Variants in CADM2 observed in about 807,000 individuals in gnomAD.
The protein encoded by CADM2 is cell adhesion molecule 2, also known as immunoglobulin superfamily member 4D.
A neutral mutation model predicts 49.8 loss-of-function variants in CADM2; 12 were observed. The observed-to-expected ratio is 0.24, with a 90% CI of 0.15 to 0.39. The LOEUF (loss-of-function observed/expected upper bound fraction) is 0.39, where lower values mean the gene tolerates loss of function less well. Among genes scored for constraint, CADM2 ranks in the 10% least tolerant of loss-of-function variants. CADM2 has a pLI of 1.00. For missense variants in CADM2, 378 were observed against 492.3 expected, an observed-to-expected ratio of 0.77 and a Z score of 2.20; for synonymous variants, 214 against 175.4, an observed-to-expected ratio of 1.22 and a Z score of -1.74.
intron 1 of CADM2, among the ~76,000 whole-genome samples, chr3:85,336,689 A>G (rs1276955329): frequency 6.6e-6 from 1 of 150,652 alleles, no homozygotes; most frequent in Non-Finnish European, 1.5e-5. Context: ...GCAGAATTTT[A>G]TGTTACTAAG....
At chr3:85,685,566 T>C in intron 1 of CADM2, among the ~76,000 whole-genome samples, 1 of 151,778 alleles carries the variant, frequency 6.6e-6, no homozygotes, top group East Asian at 1.9e-4. Flanking sequence ...TTTAATAAAA[T>C]AATTTAAATA....
intron 1 of CADM2, among the ~76,000 whole-genome samples, chr3:85,183,663 T>C (rs939721125): frequency 2.0e-5 from 3 of 152,282 alleles, no homozygotes; most frequent in African/African-American, 7.2e-5. Flanking sequence ...AATCTTACTA[T>C]TCCATACAAA....
At chr3:85,869,352 A>G (rs1272288717) in intron 3 of CADM2, among the ~76,000 whole-genome samples, 3 of 152,036 alleles carry the variant, frequency 2.0e-5, no homozygotes, top group Non-Finnish European at 4.4e-5. Context: ...GCTTCGTTCC[A>G]TTCATTTTTA....
At chr3:85,575,274 G>A (rs2062597702) in intron 1 of CADM2, among the ~76,000 whole-genome samples, 1 of 152,194 alleles carries the variant, frequency 6.6e-6, no homozygotes, top group Non-Finnish European at 1.5e-5. Context: ...TGATTGGGCT[G>A]GGCGCAGTGG....
intron 7 of CADM2, among the ~76,000 whole-genome samples, chr3:85,957,292 T>C (rs1223187064): frequency 5.3e-5 from 8 of 151,870 alleles, no homozygotes; most frequent in African/African-American, 7.2e-5. Flanking sequence ...GTCTATCTAA[T>C]TGAACGATAC....
chr3:85,341,353 G>T (rs2045235366), intron 1 of CADM2, among the ~76,000 whole-genome samples: 1 of 151,770 alleles, frequency 6.6e-6, no homozygotes. Context: ...CATGAAAATA[G>T]AATAATGTTT....
At chr3:85,700,226 A>G (rs1242530932) in intron 1 of CADM2, among the ~76,000 whole-genome samples, 1 of 152,182 alleles carries the variant, frequency 6.6e-6, no homozygotes, top group Admixed American at 6.5e-5. Flanking sequence ...TCAGCAAACT[A>G]TCGCAAAAAC....
intron 1 of CADM2, among the ~76,000 whole-genome samples, chr3:85,581,347 AAC>A (rs1351117617): frequency 2.0e-5 from 3 of 152,054 alleles, no homozygotes; most frequent in Admixed American, 6.6e-5. Flanking sequence ...CGGGAATAAA[AAC>A]AGTCATTCTC....
chr3:85,779,311 C>A (rs1409546338), intron 2 of CADM2, among the ~76,000 whole-genome samples: 1 of 152,054 alleles, frequency 6.6e-6, no homozygotes, highest in Non-Finnish European at 1.5e-5. Context: ...CTTACCATGC[C>A]TAAAGCCTCT....
At chr3:85,312,685 A>T (rs907749252) in intron 1 of CADM2, among the ~76,000 whole-genome samples, 1 of 152,216 alleles carries the variant, frequency 6.6e-6, no homozygotes, top group African/African-American at 2.4e-5. Flanking sequence ...TAATGTAATT[A>T]CCAAAAATTA....
intron 1 of CADM2, among the ~76,000 whole-genome samples, chr3:85,323,595 C>T (rs537376357): frequency 6.6e-6 from 1 of 152,272 alleles, no homozygotes; most frequent in African/African-American, 2.4e-5. Context: ...CAAAACTAAA[C>T]AAGACCCTTC....
intron 8 of CADM2, among the ~76,000 whole-genome samples, chr3:86,039,146 C>T (rs1175620281): frequency 4.6e-5 from 7 of 152,128 alleles, no homozygotes; most frequent in Non-Finnish European, 7.4e-5. Context: ...ATGAGCGACG[C>T]AGAAGATGGG....
chr3:85,948,254 T>C (rs1722980846), intron 7 of CADM2, among the ~76,000 whole-genome samples: 1 of 151,518 alleles, frequency 6.6e-6, no homozygotes, highest in Non-Finnish European at 1.5e-5. Flanking sequence ...TGAAATACTA[T>C]GATTATTTAT....
intron 8 of CADM2, among the ~76,000 whole-genome samples, chr3:86,043,625 G>C (rs1017177557): frequency 6.6e-6 from 1 of 152,120 alleles, no homozygotes; most frequent in Non-Finnish European, 1.5e-5. Context: ...CGTGAAAATG[G>C]CCATACTGTC....
chr3:85,984,082 A>T (rs1170839648), intron 8 of CADM2, among the ~76,000 whole-genome samples: 1 of 149,598 alleles, frequency 6.7e-6, no homozygotes, highest in Non-Finnish European at 1.5e-5. Context: ...GCTCTGTATT[A>T]TGTTATATAT....
chr3:85,664,389 AT>A (rs2107617263), intron 1 of CADM2, among the ~76,000 whole-genome samples: 1 of 152,120 alleles, frequency 6.6e-6, no homozygotes, highest in South Asian at 2.1e-4. Flanking sequence ...CTTTCAAATG[AT>A]TTCGCATTTC....
chr3:85,587,443 G>T (rs540282886), intron 1 of CADM2, among the ~76,000 whole-genome samples: 2 of 152,138 alleles, frequency 1.3e-5, no homozygotes, highest in South Asian at 2.1e-4. Context: ...CTTAGGCAAA[G>T]AATTCAGATC....
At chr3:85,438,074 GA>G (rs1439886876) in intron 1 of CADM2, among the ~76,000 whole-genome samples, 5 of 151,852 alleles carry the variant, frequency 3.3e-5, no homozygotes, top group Non-Finnish European at 7.4e-5. Flanking sequence ...CTCAACAATA[GA>G]AAAAATAATG....
intron 1 of CADM2, among the ~76,000 whole-genome samples, chr3:85,295,595 G>A (rs929675812): frequency 5.9e-5 from 9 of 151,948 alleles, no homozygotes; most frequent in Non-Finnish European, 8.8e-5. Context: ...TATACACCAC[G>A]GAATACTATG....
Sources: gnomAD v4.1 joint callset for allele counts (sites outside exome capture counted in the v4.1 genomes callset) on GRCh38, gnomAD v4.1.1 for gene constraint, MANE v1.5 for transcripts, NCBI Gene and HGNC (gene_info 2026-07-23, HGNC 2026-07-21) for gene names.